Variants in ADAMTS20 observed in about 807,000 individuals in gnomAD.
ADAMTS20 encodes the protein ADAM metallopeptidase with thrombospondin type 1 motif 20.
A neutral mutation model predicts 260.1 loss-of-function variants in ADAMTS20; 225 were observed. The observed-to-expected ratio is 0.87, with a 90% CI of 0.78 to 0.97. The LOEUF (loss-of-function observed/expected upper bound fraction) is 0.97. Ranked by LOEUF, ADAMTS20 falls within the 50% of genes least tolerant of loss-of-function variation. ADAMTS20 has a pLI of 0.00. For synonymous variants in ADAMTS20, 802 were observed against 769.5 expected (o/e 1.04, Z -0.70); for missense variants, 2,400 against 2,337.7 (o/e 1.03, Z -0.55).
At chr12:43,499,023 G>A (rs1052269003) in intron 4 of ADAMTS20, among the ~76,000 whole-genome samples, 2 of 152,156 alleles carry the variant, frequency 1.3e-5, no homozygotes, top group Non-Finnish European at 2.9e-5. Context: ...TTCAGTGAGA[G>A]AGAAGAAAAG....
At chr12:43,380,276 GA>G (rs1940320723) in intron 31 of ADAMTS20, among the ~76,000 whole-genome samples, 1 of 152,106 alleles carries the variant, frequency 6.6e-6, no homozygotes, top group Non-Finnish European at 1.5e-5. Flanking sequence ...ACTAGGACTA[GA>G]AGGGTACTTC....
chr12:43,367,941 T>G (rs1940023110), intron 37 of ADAMTS20, among the ~76,000 whole-genome samples: 1 of 152,030 alleles, frequency 6.6e-6, no homozygotes, highest in South Asian at 2.1e-4. Context: ...GCCTTCTTAA[T>G]GTTGAGCTGG....
chr12:43,531,652 ATGT>A (rs1268534787), intron 3 of ADAMTS20, among the ~76,000 whole-genome samples: 1 of 152,136 alleles, frequency 6.6e-6, no homozygotes, highest in Non-Finnish European at 1.5e-5. Flanking sequence ...GGAAGGAAAG[ATGT>A]TGTTCAAAGG....
At chr12:43,461,536 A>G (rs1592081412) in intron 11 of ADAMTS20, among the ~76,000 whole-genome samples, 1 of 152,180 alleles carries the variant, frequency 6.6e-6, no homozygotes, top group African/African-American at 2.4e-5. Context: ...TGCCACGAGC[A>G]ATCAATCCTG....
intron 3 of ADAMTS20, among the ~76,000 whole-genome samples, chr12:43,531,685 T>C (rs1943223097): frequency 1.3e-5 from 2 of 152,044 alleles, no homozygotes. Flanking sequence ...TTCAGTTACA[T>C]ACAAGGAATA....
At chr12:43,528,355 A>AAAAAC (rs1943172667) in intron 3 of ADAMTS20, among the ~76,000 whole-genome samples, 1 of 145,648 alleles carries the variant, frequency 6.9e-6, no homozygotes, top group Non-Finnish European at 1.5e-5. Context: ...AAGCAAAAAA[A>AAAAAC]AAAAAAAAAA....
chr12:43,388,528 A>G (rs1565676415), intron 29 of ADAMTS20, among the ~76,000 whole-genome samples: 1 of 152,214 alleles, frequency 6.6e-6, no homozygotes, highest in Non-Finnish European at 1.5e-5. Context: ...GAGTTTTGGA[A>G]AACTGGCTGT....
At chr12:43,364,651 G>A (rs1939943814) in intron 37 of ADAMTS20, among the ~76,000 whole-genome samples, 1 of 152,104 alleles carries the variant, frequency 6.6e-6, no homozygotes, top group Admixed American at 6.6e-5. Flanking sequence ...TTAAAGGGAT[G>A]TTAATGATGC....
intron 2 of ADAMTS20, among the ~76,000 whole-genome samples, chr12:43,548,079 A>T (rs1033600025): frequency 3.3e-5 from 5 of 152,200 alleles, no homozygotes; most frequent in Non-Finnish European, 7.3e-5. Flanking sequence ...ATGAAACAAC[A>T]CTCATTAGCA....
At chr12:43,399,835 A>G (rs1940775016) in intron 28 of ADAMTS20, among the ~76,000 whole-genome samples, 1 of 152,104 alleles carries the variant, frequency 6.6e-6, no homozygotes, top group Non-Finnish European at 1.5e-5. Flanking sequence ...CTTTTTAAAA[A>G]TATAGGTAAA....
chr12:43,534,946 C>T (rs953563727), intron 2 of ADAMTS20, among the ~76,000 whole-genome samples: 2 of 151,926 alleles, frequency 1.3e-5, no homozygotes. Context: ...TCCCTGCTTC[C>T]CACCCTTCAC....
At chr12:43,494,053 G>T (rs1942643413) in intron 4 of ADAMTS20, among the ~76,000 whole-genome samples, 1 of 152,138 alleles carries the variant, frequency 6.6e-6, no homozygotes, top group Non-Finnish European at 1.5e-5. Context: ...ACTGCAGTAG[G>T]GGTGTCTTCC....
chr12:43,460,465 T>C (rs117381486), intron 11 of ADAMTS20, among the ~76,000 whole-genome samples: 1 of 152,304 alleles, frequency 6.6e-6, no homozygotes, highest in Non-Finnish European at 1.5e-5. Context: ...AAATACAGAG[T>C]AATTGGAACT....
At chr12:43,508,565 T>C (rs2137458936) in intron 3 of ADAMTS20, among the ~76,000 whole-genome samples, 1 of 152,184 alleles carries the variant, frequency 6.6e-6, no homozygotes, top group African/African-American at 2.4e-5. Context: ...GGGATTCAAA[T>C]CCTGGGGACC....
chr12:43,537,917 T>C (rs935713206), intron 2 of ADAMTS20, among the ~76,000 whole-genome samples: 2 of 152,242 alleles, frequency 1.3e-5, no homozygotes, highest in African/African-American at 4.8e-5. Context: ...TATTCATCTG[T>C]TGATGGACAC....
At chr12:43,464,817 T>C in intron 9 of ADAMTS20, 85 bp from the exon 10 acceptor site, 1 of 1,401,554 alleles carries the variant, frequency 7.1e-7, no homozygotes, top group Non-Finnish European at 9.6e-7. Flanking sequence ...TTGTAGTTCT[T>C]TACTTTCAAA....
In ADAMTS20 at chr12:43,377,382, C is replaced by A; in HGVS notation, c.4978G>T (p.Val1660Phe). ...NSCLHLATWK[V>F]GKWSKCSVTC... ...ACACCGACCTTGCTCCATTTTCCAACTTTCCAAGTGGCCAAATGCAAACAG... is the reference window on the plus strand; with the variant it reads ...ACACCGACCTTGCTCCATTTTCCAAATTTCCAAGTGGCCAAATGCAAACAG... Residue 1660 changes from valine (V) to phenylalanine (F), a missense_variant, in exon 32 of 39, where the codon GTT (valine) becomes TTT (phenylalanine). Transcript: ENST00000389420. The A allele has an allele frequency of 6.2e-7, 1 of 1,611,954 alleles. No homozygotes were observed. Among genetic ancestry groups the A allele is most frequent in the African/African-American group, 1.3e-5 (1 of 74,992 alleles).
chr12:43,387,017 T>C (rs1212675694), intron 29 of ADAMTS20, among the ~76,000 whole-genome samples: 1 of 152,190 alleles, frequency 6.6e-6, no homozygotes, highest in Admixed American at 6.5e-5. Flanking sequence ...CTCTGTCCAG[T>C]TTTGTTCCTT....
chr12:43,375,925 C>T lies in ADAMTS20; in HGVS notation c.5312+132G>A, dbSNP rs1014655857. The T allele has an allele frequency of 8.7e-6, 6 of 687,738 alleles. No homozygotes were observed. In the East Asian group the frequency reaches 1.4e-4, roughly 16 times the overall value. 42.6% of individuals were successfully genotyped at this position (687,738 alleles called of 1,614,324 possible). ...GCATTAACAACATCTAGTTTAGGTC[C>T]TAACATGTCTACCTGCTCCTACATT... On this transcript the variant is annotated intron_variant, in intron 35 of 38. Coordinates refer to ENST00000389420, the MANE Select transcript of ADAMTS20 (RefSeq NM_025003.5).
Sources: allele counts gnomAD v4.1 joint callset (sites outside exome capture counted in the v4.1 genomes callset), GRCh38; gene constraint gnomAD v4.1.1; transcripts MANE v1.5; gene names NCBI Gene and HGNC (gene_info 2026-07-23, HGNC 2026-07-21).